MORN3: variants seen among roughly 807,000 people sequenced by gnomAD.
The protein encoded by MORN3 is MORN repeat-containing protein 3.
Under a neutral mutation model 34.7 loss-of-function variants are expected in MORN3, and 38 were observed. The observed-to-expected ratio is 1.10, with a 90% confidence interval of 0.85 to 1.44. The LOEUF is 1.44. Among genes scored for constraint, MORN3 ranks in the 40% most tolerant of loss-of-function variants. The pLI is 0.00. For missense variants in MORN3, 311 were observed against 321.7 expected (o/e 0.97, Z 0.25); for synonymous variants, 109 against 115.3 (o/e 0.95, Z 0.35).
At chr12:121,665,563 C>T (rs972403721) in intron 1 of MORN3, among the ~76,000 whole-genome samples, 2 of 151,166 alleles carry the variant, frequency 1.3e-5, no homozygotes, top group Non-Finnish European at 1.5e-5. Context: ...GTCAGGAGTT[C>T]GAGGCCAGCT....
At chr12:121,667,223 A>G (rs909232534) in intron 1 of MORN3, among the ~76,000 whole-genome samples, 10 of 151,130 alleles carry the variant, frequency 6.6e-5, no homozygotes, top group African/African-American at 1.9e-4. Context: ...CGGCCTCCCA[A>G]AGTGCTGGGA....
At chr12:121,652,638 CT>C (rs1893285831) in intron 5 of MORN3, 89 bp downstream of exon 5, 1 of 1,284,530 alleles carries the variant, frequency 7.8e-7, no homozygotes, top group South Asian at 1.2e-5. Context: ...ACCCCAAGCC[CT>C]TTGGAGACCC....
Position 121,668,854 on chromosome 12 carries a change from GC to G in MORN3, c.145+484del, listed in dbSNP as rs543724557. Among the ~76,000 whole-genome samples the G allele has an allele frequency of 2.5e-3, 373 of 152,164 alleles. 2 individuals are homozygous for G. Among genetic ancestry groups the G allele is most frequent in the African/African-American group, 8.2e-3 (342 of 41,522 alleles). On this transcript the variant is annotated intron_variant, in intron 1 of 5. Transcript: ENST00000355329. ...TAGTTTGTATCAACAGGACCCCTTT[GC>G]CCCCTGCTGGTCAGACTTGGAGCCC... is the stretch of plus-strand genomic sequence containing the variant.
intron 2 of MORN3, 27 bp from the exon 3 acceptor site, chr12:121,654,460 A>G: frequency 6.5e-7 from 1 of 1,549,288 alleles, no homozygotes; most frequent in Non-Finnish European, 8.8e-7. Context: ...GCTACTACTC[A>G]GGGCGCCCCC....
chr12:121,653,495 C>T (rs1893314429), intron 3 of MORN3, among the ~76,000 whole-genome samples: 1 of 152,182 alleles, frequency 6.6e-6, no homozygotes, highest in African/African-American at 2.4e-5. Flanking sequence ...GTCCCAGCTA[C>T]TCTGGAGGCT....
chr12:121,658,549 G>A (rs563729558), intron 2 of MORN3, among the ~76,000 whole-genome samples: 5 of 142,320 alleles, frequency 3.5e-5, no homozygotes, highest in African/African-American at 1.3e-4. Flanking sequence ...CTGGGCGGCA[G>A]GATGAGACTC....
chr12:121,667,975 G>A (rs978979377), intron 1 of MORN3, among the ~76,000 whole-genome samples: 1 of 151,628 alleles, frequency 6.6e-6, no homozygotes, highest in Non-Finnish European at 1.5e-5. Context: ...CGCCCGCCTC[G>A]GCTTCCCAAA....
At chr12:121,660,157 C>T (rs1893535074) in intron 1 of MORN3, among the ~76,000 whole-genome samples, 1 of 151,110 alleles carries the variant, frequency 6.6e-6, no homozygotes, top group Admixed American at 6.6e-5. Flanking sequence ...TCTCTTGAAC[C>T]TGGGAGGCGT....
upstream of MORN3, chr12:121,669,702 G>T: frequency 4.2e-6 from 2 of 473,188 alleles, no homozygotes; most frequent in Non-Finnish European, 7.6e-6. Context: ...CCCCTCCCAG[G>T]GGGTCTGATG....
intron 1 of MORN3, among the ~76,000 whole-genome samples, chr12:121,662,977 C>T (rs1017078339): frequency 4.6e-5 from 7 of 152,040 alleles, no homozygotes; most frequent in Non-Finnish European, 1.0e-4. Flanking sequence ...CAGAGCGGGA[C>T]TCCGTCTCAA....
At chr12:121,659,760 C>G (rs1411806701) in intron 1 of MORN3, among the ~76,000 whole-genome samples, 1 of 151,852 alleles carries the variant, frequency 6.6e-6, no homozygotes, top group East Asian at 2.0e-4. Flanking sequence ...AAACTCCTGA[C>G]CTCAAGTGAT....
At chr12:121,653,604 T>C (rs1893317077) in intron 3 of MORN3, among the ~76,000 whole-genome samples, 2 of 151,918 alleles carry the variant, frequency 1.3e-5, no homozygotes, top group Admixed American at 6.6e-5. Flanking sequence ...GCCTCCCGAG[T>C]TCAAGTGATT....
At chr12:121,652,889 TG>T in intron 4 of MORN3, 81 bp from the exon 5 acceptor site, 1 of 1,522,382 alleles carries the variant, frequency 6.6e-7, no homozygotes, top group Non-Finnish European at 9.1e-7. Context: ...GCCTGCCGTG[TG>T]GGGTGCTGCC....
At chr12:121,662,546 G>A (rs949712421) in intron 1 of MORN3, among the ~76,000 whole-genome samples, 1 of 152,068 alleles carries the variant, frequency 6.6e-6, no homozygotes, top group African/African-American at 2.4e-5. Flanking sequence ...ATGAGGTCAG[G>A]AGATCGAGAC....
chr12:121,651,525 G>C lies in MORN3; in HGVS notation c.*126C>G, dbSNP rs1411103726. 1.3e-5 allele frequency: 2 copies of C among 152,330 alleles called. No individual in the cohort carries two copies. Among genetic ancestry groups the C allele is most frequent in the Admixed American group, 1.3e-4 (2 of 15,238 alleles). 9.4% of individuals were successfully genotyped at this position (152,330 alleles called of 1,614,324 possible). A position where few individuals can be genotyped will look rare whatever the true frequency, so the allele number is the denominator to read the frequency against. The stretch of plus-strand genomic sequence containing the variant: ...TGACCCAGTGCTGGGGGTAGTGAGG[G>C]GCCCTATGAGGGTGCCGGGGTCATG... On this transcript the variant is annotated 3_prime_UTR_variant, in exon 6 of 6. Coordinates refer to ENST00000355329, the MANE Select transcript of MORN3 (RefSeq NM_173855.5).
At chr12:121,668,317 C>A (rs1046841629) in intron 1 of MORN3, among the ~76,000 whole-genome samples, 2 of 151,722 alleles carry the variant, frequency 1.3e-5, no homozygotes, top group East Asian at 3.9e-4. Context: ...CCGAGGCGGG[C>A]GGATCACTCG....
chr12:121,667,068 C>T (rs532488577), intron 1 of MORN3, among the ~76,000 whole-genome samples: 1 of 147,082 alleles, frequency 6.8e-6, no homozygotes, highest in Admixed American at 7.0e-5. Flanking sequence ...TCAAGCAATT[C>T]TCTTATCTCA....
chr12:121,654,926 C>G (rs935276762), intron 2 of MORN3, among the ~76,000 whole-genome samples: 9 of 152,036 alleles, frequency 5.9e-5, no homozygotes, highest in Admixed American at 2.0e-4. Context: ...TCCCCATGCT[C>G]TGTTTCTCTC....
chr12:121,653,210 CCCGTT>C lies in MORN3; in HGVS notation c.508_512del (p.Asn170GlyfsTer14). 6.2e-7 allele frequency: 1 copy of C among 1,614,190 alleles called. No individual in the cohort carries two copies. The highest frequency in any genetic ancestry group is 1.1e-5 in the South Asian group (1 of 91,082). ...GGTCCAGATGGAAGAAACGCCCCGC[CCCGTT>C]CTTCATGCCTCTCTCCCAGCAGCCC... On this transcript the variant is annotated frameshift_variant, in exon 4 of 6. Coordinates refer to ENST00000355329, the MANE Select transcript of MORN3 (RefSeq NM_173855.5). LOFTEE classifies it high-confidence loss of function.
Sources: gnomAD v4.1 joint callset for allele counts (sites outside exome capture counted in the v4.1 genomes callset) on GRCh38, gnomAD v4.1.1 for gene constraint, MANE v1.5 for transcripts, NCBI Gene and HGNC (gene_info 2026-07-23, HGNC 2026-07-21) for gene names.